SLC6A18: variants seen among roughly 807,000 people sequenced by gnomAD.
SLC6A18 encodes the protein solute carrier family 6 member 18.
In SLC6A18, 58 loss-of-function variants were observed where a neutral mutation model predicts 62.9. The observed-to-expected ratio is 0.92, with a 90% CI of 0.75 to 1.15. The LOEUF is 1.15. Among genes scored for constraint, SLC6A18 ranks in the 50% most tolerant of loss-of-function variants. The pLI is 0.00. For missense variants in SLC6A18, 793 were observed against 836.6 expected, an observed-to-expected ratio of 0.95 and a Z score of 0.64; for synonymous variants, 382 against 365.8, an observed-to-expected ratio of 1.04 and a Z score of -0.51.
intron 7 of SLC6A18, among the ~76,000 whole-genome samples, chr5:1,242,046 C>T (rs1747074348): frequency 8.5e-6 from 1 of 116,976 alleles, no homozygotes; most frequent in South Asian, 2.9e-4. Flanking sequence ...GCCCTGAGGA[C>T]AGAAGGAGCC....
rs1747071444 is a variant in SLC6A18 at position 1,241,924 on chromosome 5, A to T, written c.975-783A>T. On this transcript the variant is annotated intron_variant, in intron 7 of 11. Transcript: ENST00000324642. The surrounding 1 kb of genome is among the most constrained non-coding windows in gnomAD (Gnocchi z 7.8). Reference sequence around the variant, plus strand: ...CGTGTGCCACATGGGGCTAGAAGTGAGGGGAGCGAGGTCTCTCTCTTCAGG... The same window carrying T: ...CGTGTGCCACATGGGGCTAGAAGTGTGGGGAGCGAGGTCTCTCTCTTCAGG... Among the ~76,000 whole-genome samples, 1 of 152,218 alleles carries T rather than the reference A, an allele frequency of 6.6e-6. No homozygotes were observed. Among genetic ancestry groups the T allele is most frequent in the South Asian group, 2.1e-4 (1 of 4,830 alleles).
intron 1 of SLC6A18, among the ~76,000 whole-genome samples, chr5:1,227,526 T>C (rs1490113974): frequency 6.6e-6 from 1 of 152,262 alleles, no homozygotes; most frequent in East Asian, 1.9e-4. Flanking sequence ...GCTGTGAGGA[T>C]CACTCATTGA....
intron 1 of SLC6A18, among the ~76,000 whole-genome samples, chr5:1,227,189 C>T (rs1018390051): frequency 1.3e-5 from 2 of 152,092 alleles, no homozygotes; most frequent in Admixed American, 6.6e-5. Flanking sequence ...CCTTGCCCAC[C>T]GAAACCCAGT....
At chr5:1,236,725 C>A (rs559388735) in intron 4 of SLC6A18, among the ~76,000 whole-genome samples, 1 of 152,102 alleles carries the variant, frequency 6.6e-6, no homozygotes. Context: ...GTGCCCCATG[C>A]GCTGTGCAGT....
chr5:1,241,250 C>G lies in SLC6A18; in HGVS notation c.974+591C>G, dbSNP rs1239760933. ...AGACCCACGGCCCTCTTAGAGCACCCAACTTGCTTGTGAACTACCTTCAGG... is the reference window on the plus strand; with the variant it reads ...AGACCCACGGCCCTCTTAGAGCACCGAACTTGCTTGTGAACTACCTTCAGG... On this transcript the variant is annotated intron_variant, in intron 7 of 11. Transcript: ENST00000324642. The surrounding 1 kb of genome is among the most constrained non-coding windows in gnomAD (Gnocchi z 7.8). Among the ~76,000 whole-genome samples, 1 of 152,196 alleles carries G rather than the reference C, an allele frequency of 6.6e-6. No homozygotes were observed. Among genetic ancestry groups the G allele is most frequent in the Non-Finnish European group, 1.5e-5 (1 of 68,020 alleles).
At chr5:1,227,519 G>A (rs1746614473) in intron 1 of SLC6A18, among the ~76,000 whole-genome samples, 1 of 152,246 alleles carries the variant, frequency 6.6e-6, no homozygotes, top group Non-Finnish European at 1.5e-5. Flanking sequence ...TTGTCTCGCT[G>A]TGAGGATCAC....
At chr5:1,230,989 G>T (rs1392557280) in intron 1 of SLC6A18, among the ~76,000 whole-genome samples, 10 of 152,210 alleles carry the variant, frequency 6.6e-5, no homozygotes, top group Non-Finnish European at 1.5e-4. Flanking sequence ...AGACACAGGG[G>T]CCTCTTCAGC....
chr5:1,225,945 G>C (rs556711863), intron 1 of SLC6A18, among the ~76,000 whole-genome samples: 1 of 152,174 alleles, frequency 6.6e-6, no homozygotes, highest in Non-Finnish European at 1.5e-5. Flanking sequence ...CGCCCTGCCC[G>C]ACACACACAC....
In SLC6A18 at chr5:1,237,147, C is replaced by T. The variant is rs542848539; in HGVS notation, c.622-803C>T. ...ATCCCAACTACTTGCGAGGCTGAGGCAGAAGAATTGCTTGAACCCGGAAGC... is the reference window on the plus strand; with the variant it reads ...ATCCCAACTACTTGCGAGGCTGAGGTAGAAGAATTGCTTGAACCCGGAAGC... On this transcript the variant is annotated intron_variant, in intron 4 of 11. Transcript: ENST00000324642. 4.8e-5 allele frequency among the ~76,000 whole-genome samples: 7 copies of T among 145,468 alleles called. No individual in the cohort carries two copies. In the South Asian group the frequency reaches 1.5e-3, roughly 31 times the overall value.
intron 11 of SLC6A18, 132 bp from the exon 12 acceptor site, chr5:1,245,716 T>G: frequency 1.0e-6 from 1 of 998,622 alleles, no homozygotes; most frequent in South Asian, 1.7e-5. Flanking sequence ...GCCACTGCTC[T>G]GGCCGTGCCT....
intron 1 of SLC6A18, among the ~76,000 whole-genome samples, chr5:1,231,962 G>A (rs1436801489): frequency 1.3e-5 from 2 of 152,166 alleles, no homozygotes; most frequent in Non-Finnish European, 2.9e-5. Context: ...GTCCAGGGCC[G>A]GCTGCCTCCT....
intron 7 of SLC6A18, among the ~76,000 whole-genome samples, chr5:1,240,908 C>T (rs1312696265): frequency 6.6e-6 from 1 of 152,086 alleles, no homozygotes; most frequent in Non-Finnish European, 1.5e-5. Flanking sequence ...GCCCTAAATC[C>T]AATAACCACA....
In SLC6A18 at chr5:1,244,120, G is replaced by C. The variant is rs574307340; in HGVS notation, c.1337-94G>C. On this transcript the variant is annotated intron_variant, in intron 9 of 11. Coordinates refer to ENST00000324642, the MANE Select transcript of SLC6A18 (RefSeq NM_182632.3). ...GGTGCCCTGGCCCTCCCCGCTGTCC[G>C]AGGGCAGGTCTGCCTGGCTGGCTTC... The C allele has an allele frequency of 5.4e-6, 6 of 1,121,062 alleles. No individual in the cohort carries two copies. The South Asian group carries it at 7.5e-5, about 14-fold the overall frequency. The allele number at this position is 1,121,062 out of a possible 1,614,324, so 69.4% of individuals were successfully genotyped here.
intron 11 of SLC6A18, among the ~76,000 whole-genome samples, chr5:1,245,387 C>T (rs1035831964): frequency 2.6e-5 from 4 of 152,156 alleles, no homozygotes; most frequent in Non-Finnish European, 4.4e-5. Context: ...GGAATGTGGA[C>T]GCCACTCCTC....
chr5:1,238,705 C>G (rs1324017552), intron 5 of SLC6A18, among the ~76,000 whole-genome samples: 1 of 152,144 alleles, frequency 6.6e-6, no homozygotes, highest in Non-Finnish European at 1.5e-5. Context: ...GGCAGGTGGA[C>G]TTTGGCACCT....
Position 1,244,196 on chromosome 5 carries a change from C to A in SLC6A18, c.1337-18C>A. 1 of 1,603,866 alleles carries A rather than the reference C, an allele frequency of 6.2e-7. No individual in the cohort carries two copies. The highest frequency in any genetic ancestry group is 1.1e-5 in the South Asian group (1 of 90,578). On this transcript the variant is annotated intron_variant, in intron 9 of 11. Coordinates refer to ENST00000324642, the MANE Select transcript of SLC6A18 (RefSeq NM_182632.3). ...TCCCCATCCCCTTACCCCCCACACC[C>A]CTTTCCCACTGCCCCAGGGCTGGTC... is the stretch of plus-strand genomic sequence containing the variant.
At chr5:1,225,744 C>A (rs1746542771) in intron 1 of SLC6A18, 107 bp downstream of exon 1, 2 of 1,357,124 alleles carry the variant, frequency 1.5e-6, no homozygotes, top group African/African-American at 3.0e-5. Flanking sequence ...GGCAGAGTCA[C>A]TCCTCCTGGA....
chr5:1,235,811 A>G, intron 4 of SLC6A18, 149 bp downstream of exon 4: 1 of 768,892 alleles, frequency 1.3e-6, no homozygotes, highest in Admixed American at 2.8e-5. Context: ...AATTGATCCC[A>G]TTATCACTGT....
At chr5:1,231,252 C>T (rs1266475570) in intron 1 of SLC6A18, among the ~76,000 whole-genome samples, 7 of 152,220 alleles carry the variant, frequency 4.6e-5, no homozygotes, top group Non-Finnish European at 1.0e-4. Context: ...TTCATCTCTA[C>T]TGGGTGCTTC....
Sources: allele counts gnomAD v4.1 joint callset (sites outside exome capture counted in the v4.1 genomes callset), GRCh38; gene constraint gnomAD v4.1.1; non-coding constraint Gnocchi (gnomAD v3.1); transcripts MANE v1.5; gene names NCBI Gene and HGNC (gene_info 2026-07-23, HGNC 2026-07-21).